TRIP12: variants seen among roughly 807,000 people sequenced by gnomAD.
The protein encoded by TRIP12 is thyroid hormone receptor interactor 12.
TRIP12 carries 25 observed loss-of-function variants against 244.2 expected under a neutral mutation model. That is an observed-to-expected ratio of 0.10 (90% CI 0.07 to 0.14). The LOEUF (loss-of-function observed/expected upper bound fraction) is 0.14. TRIP12 is among the 10% of genes least tolerant of loss of function. The pLI, the probability that TRIP12 is intolerant of heterozygous loss-of-function variation, is 1.00. For synonymous variants in TRIP12, 905 were observed against 873.1 expected, an observed-to-expected ratio of 1.04 and a Z score of -0.64; for missense variants, 1,677 against 2,486.4, an observed-to-expected ratio of 0.67 and a Z score of 6.92.
intron 3 of TRIP12, among the ~76,000 whole-genome samples, chr2:229,859,896 A>T (rs2060184686): frequency 6.6e-6 from 1 of 152,254 alleles, no homozygotes; most frequent in Non-Finnish European, 1.5e-5. Flanking sequence ...AGGAAGCCAG[A>T]ATATTGATGC....
At chr2:229,892,549 C>A (rs185637684) in intron 1 of TRIP12, among the ~76,000 whole-genome samples, 7 of 152,118 alleles carry the variant, frequency 4.6e-5, no homozygotes, top group African/African-American at 1.7e-4. Context: ...ACATTGTCAC[C>A]CATTTGAGAA....
intron 2 of TRIP12, among the ~76,000 whole-genome samples, chr2:229,876,139 T>C (rs1401697834): frequency 1.3e-5 from 2 of 152,054 alleles, no homozygotes; most frequent in Admixed American, 6.5e-5. Context: ...CCAGGTGTGG[T>C]GGCCCGTGCC....
chr2:229,819,096 C>G (rs1421991056), intron 8 of TRIP12, among the ~76,000 whole-genome samples: 2 of 137,764 alleles, frequency 1.5e-5, no homozygotes, highest in Non-Finnish European at 3.1e-5. Context: ...AATTATAAAC[C>G]CTTGCATCCT....
At chr2:229,813,463 A>C (rs1258575311) in intron 13 of TRIP12, among the ~76,000 whole-genome samples, 1 of 152,226 alleles carries the variant, frequency 6.6e-6, no homozygotes, top group Non-Finnish European at 1.5e-5. Context: ...ATGCAGTTAA[A>C]GATTTAAAAT....
Position 229,879,903 on chromosome 2 carries a change from T to C in TRIP12, c.98+79A>G, listed in dbSNP as rs1384397331. On this transcript the variant is annotated intron_variant, in intron 2 of 41. Coordinates refer to ENST00000675903, the MANE Select transcript of TRIP12 (RefSeq NM_001348323.3). ...ACCCATATGCAATGAACCATTCAAG[T>C]TTTGGACCTCGCAAGGAGGCTTAAA... 3 of 1,508,382 alleles carry C rather than the reference T, an allele frequency of 2.0e-6. No individual in the cohort carries two copies. The South Asian group carries it at 3.4e-5, about 17-fold the overall frequency. The allele number at this position is 1,508,382 out of a possible 1,614,324, so 93.4% of individuals were successfully genotyped here.
chr2:229,843,844 T>C (rs1481344609), intron 4 of TRIP12, among the ~76,000 whole-genome samples: 3 of 151,280 alleles, frequency 2.0e-5, no homozygotes, highest in African/African-American at 7.3e-5. Context: ...ATTACACTAC[T>C]GCACTCCAGC....
intron 30 of TRIP12, 118 bp from the exon 31 acceptor site, chr2:229,789,880 T>C: frequency 2.8e-6 from 3 of 1,070,886 alleles, no homozygotes; most frequent in Non-Finnish European, 4.0e-6. Context: ...ACGCTTGGAA[T>C]CTTATTAGTA....
intron 1 of TRIP12, among the ~76,000 whole-genome samples, chr2:229,915,318 T>C (rs963613082): frequency 2.6e-5 from 4 of 152,212 alleles, no homozygotes; most frequent in African/African-American, 7.2e-5. Flanking sequence ...AATGGTCAAT[T>C]AAAGAGTAAC....
chr2:229,850,202 ATG>A (rs2058391110), intron 4 of TRIP12, among the ~76,000 whole-genome samples: 1 of 152,214 alleles, frequency 6.6e-6, no homozygotes, highest in Non-Finnish European at 1.5e-5. Flanking sequence ...TTTCCAAACA[ATG>A]TAATACAAAG....
At position 229,815,352 on chromosome 2, in the gene TRIP12, A is replaced by T. The variant is rs754526212; in HGVS notation, c.1600-44T>A. ...AATATTAGAAGCTATATTCCTTGGGAAAATCCTAGAGGTATTTCTTCCTCT... is the reference window on the plus strand; with the variant it reads ...AATATTAGAAGCTATATTCCTTGGGTAAATCCTAGAGGTATTTCTTCCTCT... On this transcript the variant is annotated intron_variant, in intron 9 of 41. Transcript: ENST00000675903. 6.8e-6 allele frequency: 8 copies of T among 1,169,408 alleles called. No individual in the cohort carries two copies. In the Middle Eastern group the frequency reaches 8.7e-4, roughly 126 times the overall value. The allele number at this position is 1,169,408 out of a possible 1,614,324, so 72.4% of individuals were successfully genotyped here. A position where few individuals can be genotyped will look rare whatever the true frequency, so the allele number is the denominator to read the frequency against.
intron 2 of TRIP12, among the ~76,000 whole-genome samples, chr2:229,867,183 T>TTTA (rs2061699509): frequency 2.2e-5 from 3 of 136,490 alleles, no homozygotes; most frequent in African/African-American, 5.3e-5. Context: ...TTTTTTTTTT[T>TTTA]GAGACAGATA....
chr2:229,859,530 T>G lies in TRIP12; in HGVS notation c.269A>C (p.Asp90Ala), dbSNP rs780507387. Residue 90 changes from aspartate to alanine, a missense_variant, in exon 4 of 42, where the codon GAT (aspartate) becomes GCT (alanine). Transcript: ENST00000675903. ...TTCTGAAGTATTGGCTCTGTCTGGA[T>G]CCTCTGGTTGTGGAACTATCACAGC... ...SSAVIVPQPEDPDRANTSERQ... is the reference protein window; with the variant it reads ...SSAVIVPQPEAPDRANTSERQ... 6.2e-7 allele frequency: 1 copy of G among 1,614,126 alleles called. No individual in the cohort carries two copies. The highest frequency in any genetic ancestry group is 8.5e-7 in the Non-Finnish European group (1 of 1,180,020).
chr2:229,853,946 A>G lies in TRIP12; in HGVS notation c.1027+4826T>C, dbSNP rs80145225. Among the ~76,000 whole-genome samples the G allele has an allele frequency of 6.1e-3, 929 of 152,298 alleles. 7 individuals are homozygous for G. The highest frequency in any genetic ancestry group is 0.021 in the African/African-American group (874 of 41,562). The stretch of plus-strand genomic sequence containing the variant: ...TTTAAAGCAATGTACATGTATTAAT[A>G]TTGACATTTTTGTTTTCATTTATGT... On this transcript the variant is annotated intron_variant, in intron 4 of 41. Transcript: ENST00000675903.
rs1354532417 is a variant in TRIP12, at chr2:229,766,547, G to A, written c.*1007C>T. On this transcript the variant is annotated 3_prime_UTR_variant, in exon 42 of 42. Coordinates refer to ENST00000675903, the MANE Select transcript of TRIP12 (RefSeq NM_001348323.3). ...TGTCCCAAGTCAGCACTGGGAGAAGGGGAAGAGGAGCGTGGAATAAAGAAG... is the reference window on the plus strand; with the variant it reads ...TGTCCCAAGTCAGCACTGGGAGAAGAGGAAGAGGAGCGTGGAATAAAGAAG... The A allele has an allele frequency of 1.3e-5, 2 of 152,154 alleles. No homozygotes were observed. Among genetic ancestry groups the A allele is most frequent in the African/African-American group, 2.4e-5 (1 of 41,440 alleles). The allele number at this position is 152,154 out of a possible 1,614,324, so 9.4% of individuals were successfully genotyped here.
chr2:229,829,079 A>C, intron 8 of TRIP12, 114 bp downstream of exon 8: 1 of 862,782 alleles, frequency 1.2e-6, no homozygotes, highest in Non-Finnish European at 1.8e-6. Context: ...CTTATTTTTA[A>C]AAATGGGTTA....
rs1559782021 is a variant in TRIP12 at position 229,840,932 on chromosome 2, C to A, written c.1028-5G>T. 1 of 1,575,022 alleles carries A rather than the reference C, an allele frequency of 6.3e-7. No homozygotes were observed. The highest frequency in any genetic ancestry group is 2.2e-5 in the East Asian group (1 of 44,510). ...TCTTCGTAGATTTTCTTAAACCTAT[C>A]CACAGAAAATGGAAAAGTGTAATTT... On this transcript the variant is annotated splice_polypyrimidine_tract_variant and splice_region_variant and intron_variant, in intron 4 of 41. Transcript: ENST00000675903.
intron 27 of TRIP12, among the ~76,000 whole-genome samples, chr2:229,792,698 G>A (rs960764538): frequency 1.3e-5 from 2 of 152,108 alleles, no homozygotes; most frequent in East Asian, 1.9e-4. Context: ...GATCTATGAA[G>A]CAGAAAGGTC....
chr2:229,834,219 T>C (rs888660279), intron 6 of TRIP12, among the ~76,000 whole-genome samples: 3 of 152,228 alleles, frequency 2.0e-5, no homozygotes, highest in African/African-American at 4.8e-5. Flanking sequence ...ACATTCTACA[T>C]GGAGTGACAA....
intron 22 of TRIP12, 24 bp from the exon 23 acceptor site, chr2:229,799,073 A>G: frequency 6.2e-7 from 1 of 1,611,048 alleles, no homozygotes; most frequent in Non-Finnish European, 8.5e-7. Flanking sequence ...AAAGAACTAC[A>G]GTTAAGTCAT....
Sources: allele counts gnomAD v4.1 joint callset (sites outside exome capture counted in the v4.1 genomes callset), GRCh38; gene constraint gnomAD v4.1.1; transcripts MANE v1.5; gene names NCBI Gene and HGNC (gene_info 2026-07-23, HGNC 2026-07-21).